EPHA7: variants seen among roughly 807,000 people sequenced by gnomAD.
EPHA7 encodes EPH receptor A7.
In EPHA7, 25 loss-of-function variants were observed where a neutral mutation model predicts 112.6. That is an observed-to-expected ratio of 0.22 (90% confidence interval 0.16 to 0.31). The LOEUF (loss-of-function observed/expected upper bound fraction) is 0.31, where lower values mean the gene tolerates loss of function less well. Among genes scored for constraint, EPHA7 ranks in the 10% least tolerant of loss-of-function variants. EPHA7 has a pLI of 1.00. For missense variants in EPHA7, 962 were observed against 1,212.6 expected (o/e 0.79, Z 3.07); for synonymous variants, 437 against 406.5 (o/e 1.07, Z -0.90).
chr6:93,260,477 T>A, intron 9 of EPHA7: 1 of 903,594 alleles, frequency 1.1e-6, no homozygotes, highest in Non-Finnish European at 1.3e-6. Context: ...TTACACTATA[T>A]CCTCAAAAAA....
chr6:93,305,204 A>T (rs1219337296), intron 5 of EPHA7, among the ~76,000 whole-genome samples: 1 of 151,936 alleles, frequency 6.6e-6, no homozygotes, highest in Non-Finnish European at 1.5e-5. Context: ...TCATGGAAGG[A>T]AAGCATGAGT....
chr6:93,404,621 A>C (rs1164845179), intron 3 of EPHA7, among the ~76,000 whole-genome samples: 1 of 84,076 alleles, frequency 1.2e-5, no homozygotes, highest in Non-Finnish European at 2.3e-5. Flanking sequence ...ACATATAATC[A>C]TATATATATA....
intron 11 of EPHA7, 105 bp from the exon 12 acceptor site, chr6:93,257,628 T>G (rs1770497424): frequency 4.2e-6 from 3 of 719,580 alleles, no homozygotes; most frequent in Non-Finnish European, 6.9e-6. Context: ...AAAGAGTGAG[T>G]GTGAGAAGTA....
intron 3 of EPHA7, among the ~76,000 whole-genome samples, chr6:93,390,837 T>A (rs1227425555): frequency 6.6e-6 from 1 of 151,916 alleles, no homozygotes; most frequent in East Asian, 1.9e-4. Flanking sequence ...TATCTCTCTC[T>A]CCAAAATTTA....
intron 5 of EPHA7, among the ~76,000 whole-genome samples, chr6:93,331,321 AATAATATCTTTCT>A (rs1380094812): frequency 4.0e-5 from 6 of 151,374 alleles, no homozygotes; most frequent in Non-Finnish European, 8.9e-5. Flanking sequence ...TAAGATCTTC[AATAATATCTTTCT>A]TGCTAAACAC....
At chr6:93,267,277 T>C (rs1770989803) in intron 7 of EPHA7, among the ~76,000 whole-genome samples, 1 of 151,764 alleles carries the variant, frequency 6.6e-6, no homozygotes, top group African/African-American at 2.4e-5. Context: ...AGACTTTCCA[T>C]GATAGGGGCT....
rs558214694 is a variant in EPHA7, at chr6:93,354,188, C to T, written c.1324+2529G>A. The stretch of plus-strand genomic sequence containing the variant: ...ATAATTTCAAGGGTTTTACAGGGTT[C>T]CTTGGATAGTTTTGAACTCGGACAA... On this transcript the variant is annotated intron_variant, in intron 5 of 16. Transcript: ENST00000369303. Among the ~76,000 whole-genome samples, 11 of 152,134 alleles carry T rather than the reference C, an allele frequency of 7.2e-5. No individual in the cohort carries two copies. The South Asian group carries it at 1.0e-3, about 14-fold the overall frequency.
intron 4 of EPHA7, among the ~76,000 whole-genome samples, chr6:93,357,828 A>G (rs1776032195): frequency 6.6e-6 from 1 of 151,856 alleles, no homozygotes; most frequent in Admixed American, 6.6e-5. Context: ...TAATTTTTGT[A>G]TTTTTGGTAG....
At chr6:93,280,578 G>A (rs1319042814) in intron 5 of EPHA7, among the ~76,000 whole-genome samples, 1 of 152,132 alleles carries the variant, frequency 6.6e-6, no homozygotes, top group African/African-American at 2.4e-5. Context: ...CTTAAAGGTA[G>A]AAAACTTAGA....
chr6:93,405,261 T>C (rs1298765251), intron 3 of EPHA7, among the ~76,000 whole-genome samples: 1 of 151,866 alleles, frequency 6.6e-6, no homozygotes, highest in African/African-American at 2.4e-5. Flanking sequence ...TATAATATCA[T>C]TGATATTCTA....
rs1314593587 is a variant in EPHA7, at chr6:93,241,000, G to C, written c.*2426C>G. ...CCCTTCTCCCCTTTCCCTGTAAAGA[G>C]CTGTAAAAAATTTAAGGCAGATGAG... is the stretch of plus-strand genomic sequence containing the variant. On this transcript the variant is annotated 3_prime_UTR_variant, in exon 17 of 17. Transcript: ENST00000369303. 1.4e-5 allele frequency: 3 copies of C among 212,564 alleles called. No individual in the cohort carries two copies. The highest frequency in any genetic ancestry group is 6.8e-5 in the African/African-American group (3 of 44,242). The allele number at this position is 212,564 out of a possible 1,614,324, so 13.2% of individuals were successfully genotyped here.
chr6:93,409,781 A>G (rs1778886548), intron 3 of EPHA7: 1 of 151,830 alleles, frequency 6.6e-6, no homozygotes, highest in Non-Finnish European at 1.5e-5. Flanking sequence ...ACGGTTTTAT[A>G]AAACAAAGAA....
chr6:93,386,143 T>A (rs774097542), intron 3 of EPHA7, among the ~76,000 whole-genome samples: 1 of 152,182 alleles, frequency 6.6e-6, no homozygotes, highest in Non-Finnish European at 1.5e-5. Context: ...AACACATTTA[T>A]GCCTTCCCAA....
chr6:93,331,988 A>T (rs1264026962), intron 5 of EPHA7, among the ~76,000 whole-genome samples: 1 of 151,620 alleles, frequency 6.6e-6, no homozygotes, highest in African/African-American at 2.4e-5. Context: ...TCTCAGAAAA[A>T]TACATACTAT....
In EPHA7 at chr6:93,246,958, G is replaced by A. The variant is rs1465960814; in HGVS notation, c.2560C>T (p.Arg854Cys). 7 of 1,601,888 alleles carry A rather than the reference G, an allele frequency of 4.4e-6. No homozygotes were observed. Among genetic ancestry groups the A allele is most frequent in the East Asian group, 4.5e-5 (2 of 44,608 alleles). Residue 854 changes from arginine to cysteine, a missense_variant, in exon 15 of 17, where the codon CGT becomes TGT. Arg to Cys is a radical substitution (Grantham distance 180, BLOSUM62 -3). This residue lies in a region of EPHA7 where 746 missense variants were observed against 889.2 expected (regional missense o/e 0.84). Transcript: ENST00000369303. ...GGGCAGTCCATGGGTGCTGGTAAAC[G>A]ATAACCTTCTTCTATTGCTTTTATA... The part of the protein sequence containing the change: ...DVIKAIEEGY[R>C]LPAPMDCPAG...
intron 3 of EPHA7, among the ~76,000 whole-genome samples, chr6:93,405,799 GTGTGTGTGTGTGTGTATATA>G (rs1351373139): frequency 1.9e-4 from 13 of 68,872 alleles, no homozygotes; most frequent in Non-Finnish European, 3.3e-4. Context: ...GTGTGTGTGT[GTGTGTGTGTGTGTGTATATA>G]TATATATATA....
intron 6 of EPHA7, 86 bp downstream of exon 6, chr6:93,272,212 C>A (rs928540628): frequency 6.7e-7 from 1 of 1,484,630 alleles, no homozygotes; most frequent in Non-Finnish European, 9.2e-7. Context: ...AAATTGTTGG[C>A]ATAATGACCA....
intron 5 of EPHA7, among the ~76,000 whole-genome samples, chr6:93,354,688 G>A (rs164540): frequency 0.66 from 98,030 of 149,596 alleles, 33,358 homozygotes; most frequent in African/African-American, 0.84. Context: ...CCAGAAGGGA[G>A]TCAACATCCA....
At chr6:93,408,675 A>G (rs1421477645) in intron 3 of EPHA7, among the ~76,000 whole-genome samples, 1 of 152,110 alleles carries the variant, frequency 6.6e-6, no homozygotes, top group African/African-American at 2.4e-5. Flanking sequence ...GGTGAAGATG[A>G]TAATTGAGTG....
Sources: gnomAD v4.1 joint callset for allele counts (sites outside exome capture counted in the v4.1 genomes callset) on GRCh38, gnomAD v4.1.1 for gene constraint, gnomAD v4.1.1 regional missense constraint, MANE v1.5 for transcripts, NCBI Gene and HGNC (gene_info 2026-07-23, HGNC 2026-07-21) for gene names.